Variants in FAM227B observed in about 807,000 individuals in gnomAD.
FAM227B encodes family with sequence similarity 227 member B.
In FAM227B, 88 loss-of-function variants were observed where a neutral mutation model predicts 73.8. The ratio of observed to expected loss-of-function variants is 1.19; its 90% CI spans 1.00 to 1.42. The LOEUF (loss-of-function observed/expected upper bound fraction) is 1.42. FAM227B is among the 40% of genes most tolerant of loss of function. The pLI is 0.00. For synonymous variants in FAM227B, 210 were observed against 190.5 expected, an observed-to-expected ratio of 1.10 and a Z score of -0.84; for missense variants, 632 against 590.9, an observed-to-expected ratio of 1.07 and a Z score of -0.72.
Position 49,459,028 on chromosome 15 carries a change from C to G in FAM227B, c.1012+49183G>C, listed in dbSNP as rs181514518. 4.5e-3 allele frequency among the ~76,000 whole-genome samples: 679 copies of G among 152,300 alleles called. 10 individuals are homozygous for G. Among genetic ancestry groups the G allele is most frequent in the African/African-American group, 0.016 (648 of 41,568 alleles). On this transcript the variant is annotated intron_variant, in intron 11 of 15. Coordinates refer to ENST00000299338, the MANE Select transcript of FAM227B (RefSeq NM_152647.3). Reference sequence around the variant, plus strand: ...ATTTCTATTAAAAAACACACAAAATCTACTGTCATATAACTAATACTCAAC... The same window carrying G: ...ATTTCTATTAAAAAACACACAAAATGTACTGTCATATAACTAATACTCAAC...
chr15:49,550,402 CGGA>C (rs1567555207), intron 9 of FAM227B, among the ~76,000 whole-genome samples: 2 of 151,152 alleles, frequency 1.3e-5, no homozygotes, highest in East Asian at 4.0e-4. Flanking sequence ...ACCTCCCTCC[CGGA>C]CGGGGTGGCT....
intron 11 of FAM227B, among the ~76,000 whole-genome samples, chr15:49,450,818 A>G (rs1597276688): frequency 6.6e-6 from 1 of 152,264 alleles, no homozygotes; most frequent in East Asian, 1.9e-4. Flanking sequence ...AATCTGTTAC[A>G]GGCAATTGGA....
Position 49,543,420 on chromosome 15 carries a change from A to C in FAM227B, c.748-1614T>G, listed in dbSNP as rs2071364052. Among the ~76,000 whole-genome samples, 3 of 152,124 alleles carry C rather than the reference A, an allele frequency of 2.0e-5. No individual in the cohort carries two copies. The South Asian group carries it at 6.2e-4, about 31-fold the overall frequency. On this transcript the variant is annotated intron_variant, in intron 9 of 15. Transcript: ENST00000299338. ...ATTCTGGATATTAGTCCTTTGTCGG[A>C]TGCATAGCTTGCAAATGTTTGCACC... is the stretch of plus-strand genomic sequence containing the variant.
At chr15:49,489,287 A>T in intron 11 of FAM227B, 3 of 984,910 alleles carry the variant, frequency 3.0e-6, no homozygotes, top group Non-Finnish European at 3.6e-6. Flanking sequence ...AGAGTAATTC[A>T]TGGCTTTCAG....
intron 8 of FAM227B, among the ~76,000 whole-genome samples, chr15:49,572,805 TC>T (rs2075200051): frequency 6.6e-6 from 1 of 152,126 alleles, no homozygotes. Context: ...GGGTTTTGTT[TC>T]TTCTATGGTC....
chr15:49,545,214 G>C (rs1318845285), intron 9 of FAM227B, among the ~76,000 whole-genome samples: 1 of 151,982 alleles, frequency 6.6e-6, no homozygotes, highest in African/African-American at 2.4e-5. Flanking sequence ...ATTTCTTCCT[G>C]ATATAACCTA....
intron 8 of FAM227B, among the ~76,000 whole-genome samples, chr15:49,570,302 CT>C (rs2074996774): frequency 6.6e-6 from 1 of 151,810 alleles, no homozygotes; most frequent in Admixed American, 6.6e-5. Context: ...TATCTTTCAT[CT>C]TTTTGATAAC....
At chr15:49,403,109 T>G (rs1470624462) in intron 11 of FAM227B, among the ~76,000 whole-genome samples, 1 of 152,156 alleles carries the variant, frequency 6.6e-6, no homozygotes, top group African/African-American at 2.4e-5. Flanking sequence ...TGAACCAACC[T>G]TGCATCCCAG....
intron 9 of FAM227B, among the ~76,000 whole-genome samples, chr15:49,542,660 G>A (rs986709638): frequency 1.3e-5 from 2 of 151,100 alleles, no homozygotes; most frequent in Non-Finnish European, 2.9e-5. Flanking sequence ...TGCTGTGAAT[G>A]CCATTATTTC....
At chr15:49,571,880 G>T (rs2075130647) in intron 8 of FAM227B, among the ~76,000 whole-genome samples, 1 of 151,820 alleles carries the variant, frequency 6.6e-6, no homozygotes, top group Admixed American at 6.6e-5. Flanking sequence ...TTCTATCTCT[G>T]TTTAAACATC....
At chr15:49,531,986 T>C (rs1361861783) in intron 10 of FAM227B, among the ~76,000 whole-genome samples, 1 of 150,952 alleles carries the variant, frequency 6.6e-6, no homozygotes, top group Non-Finnish European at 1.5e-5. Context: ...GGTGGGTTAC[T>C]ATATAGCTAT....
chr15:49,437,820 A>G (rs1224129684), intron 11 of FAM227B, among the ~76,000 whole-genome samples: 1 of 151,700 alleles, frequency 6.6e-6, no homozygotes, highest in Non-Finnish European at 1.5e-5. Context: ...CAAAGAGTCA[A>G]TTTCAGTAGA....
chr15:49,536,072 C>CAAAAAAAAAAAAAAAAAAAAAAAAAAAAA (rs59203003), intron 10 of FAM227B, among the ~76,000 whole-genome samples: 1 of 114,012 alleles, frequency 8.8e-6, no homozygotes, highest in African/African-American at 3.3e-5. Flanking sequence ...GGCAATCAGA[C>CAAAAAAAAAAAAAAAAAAAAAAAAAAAAA]AAAAAAAAAA....
chr15:49,614,230 G>T (rs1485393180), intron 2 of FAM227B, among the ~76,000 whole-genome samples: 2 of 151,950 alleles, frequency 1.3e-5, no homozygotes, highest in African/African-American at 2.4e-5. Flanking sequence ...ATAAGGTAAG[G>T]TATAAATTAA....
intron 3 of FAM227B, among the ~76,000 whole-genome samples, chr15:49,600,529 C>T (rs1276624818): frequency 6.6e-6 from 1 of 151,320 alleles, no homozygotes; most frequent in Non-Finnish European, 1.5e-5. Context: ...TGGTGTCTGC[C>T]TGTGGTCCCA....
At chr15:49,427,897 C>T in intron 11 of FAM227B, among the ~76,000 whole-genome samples, 1 of 151,900 alleles carries the variant, frequency 6.6e-6, no homozygotes, top group East Asian at 1.9e-4. Flanking sequence ...TGTCTCATAA[C>T]TTTAGGGAAT....
At chr15:49,341,656 T>A (rs772323235) in intron 13 of FAM227B, among the ~76,000 whole-genome samples, 5 of 152,200 alleles carry the variant, frequency 3.3e-5, no homozygotes, top group Non-Finnish European at 7.3e-5. Flanking sequence ...CTGGCTGAGA[T>A]CTTTCTAACT....
At chr15:49,355,397 G>C (rs977065096) in intron 13 of FAM227B, among the ~76,000 whole-genome samples, 1 of 152,206 alleles carries the variant, frequency 6.6e-6, no homozygotes, top group East Asian at 1.9e-4. Flanking sequence ...CTGCCTAAAG[G>C]AGCTAATGGA....
At chr15:49,533,486 T>C (rs2060773613) in intron 10 of FAM227B, among the ~76,000 whole-genome samples, 2 of 151,902 alleles carry the variant, frequency 1.3e-5, no homozygotes, top group South Asian at 4.1e-4. Context: ...TCTCCTATTA[T>C]TATTGCTTTG....
Sources: gnomAD v4.1 joint callset for allele counts (sites outside exome capture counted in the v4.1 genomes callset) on GRCh38, gnomAD v4.1.1 for gene constraint, MANE v1.5 for transcripts, NCBI Gene and HGNC (gene_info 2026-07-23, HGNC 2026-07-21) for gene names.